The following AKR1C8 variants were observed in gnomAD, a reference collection of about 807,000 sequenced individuals.
The protein encoded by AKR1C8 is aldo-keto reductase family 1 member C8, also known as aldo-keto reductase family 1 member C-like protein 1.
the AKR1C8 span, among the ~76,000 whole-genome samples, chr10:5,156,532 C>CTATCTA: frequency 6.6e-6 from 1 of 151,380 alleles, no homozygotes; most frequent in Non-Finnish European, 1.5e-5. Context: ...TCAGATCTAT[C>CTATCTA]TATCTATCTA....
At chr10:5,168,987 C>A in the AKR1C8 span, among the ~76,000 whole-genome samples, 1 of 152,062 alleles carries the variant, frequency 6.6e-6, no homozygotes, top group Admixed American at 6.6e-5. Context: ...TTTAGTGAAA[C>A]CCACCTCCCT....
chr10:5,139,603 G>C, the AKR1C8 span, among the ~76,000 whole-genome samples: 4 of 152,278 alleles, frequency 2.6e-5, no homozygotes, highest in South Asian at 8.3e-4. Context: ...GCCATATATA[G>C]AAAGCTGAAA....
the AKR1C8 span, among the ~76,000 whole-genome samples, chr10:5,151,121 G>A: frequency 1.2e-4 from 19 of 152,054 alleles, no homozygotes; most frequent in African/African-American, 2.7e-4. Context: ...GCACAAGACC[G>A]AATGAGCCAG....
chr10:5,183,888 T>C, the AKR1C8 span, among the ~76,000 whole-genome samples: 67 of 152,290 alleles, frequency 4.4e-4, no homozygotes, highest in African/African-American at 1.6e-3. Context: ...ACTGCACTCA[T>C]ATGAGAACAA....
At chr10:5,176,096 T>C in the AKR1C8 span, among the ~76,000 whole-genome samples, 79,048 of 150,948 alleles carry the variant, frequency 0.52, 21,718 homozygotes, top group Non-Finnish European at 0.6. Context: ...TCTTCTAGGG[T>C]TTTTATGGTT....
chr10:5,152,772 T>G, the AKR1C8 span, among the ~76,000 whole-genome samples: 1 of 152,202 alleles, frequency 6.6e-6, no homozygotes, highest in African/African-American at 2.4e-5. Context: ...CTTTTCATAA[T>G]GAGTCTGCCT....
At chr10:5,125,160 G>C in the AKR1C8 span, among the ~76,000 whole-genome samples, 1 of 151,294 alleles carries the variant, frequency 6.6e-6, no homozygotes, top group Non-Finnish European at 1.5e-5. Flanking sequence ...GTATACTTTT[G>C]GTACTTAATA....
At chr10:5,144,141 C>G in the AKR1C8 span, among the ~76,000 whole-genome samples, 1 of 152,116 alleles carries the variant, frequency 6.6e-6, no homozygotes, top group Admixed American at 6.6e-5. Context: ...ATCCTTTCCC[C>G]ATTGCTTGTT....
chr10:5,151,858 C>G, the AKR1C8 span, among the ~76,000 whole-genome samples: 1 of 151,996 alleles, frequency 6.6e-6, no homozygotes, highest in Admixed American at 6.6e-5. Flanking sequence ...CACCCAGCCC[C>G]TTTGAGTTTT....
the AKR1C8 span, among the ~76,000 whole-genome samples, chr10:5,137,762 G>T: frequency 6.6e-6 from 1 of 152,098 alleles, no homozygotes; most frequent in African/African-American, 2.4e-5. Flanking sequence ...ACAGTATAAA[G>T]AGAGGAATTT....
chr10:5,130,398 T>C, the AKR1C8 span, among the ~76,000 whole-genome samples: 1 of 151,926 alleles, frequency 6.6e-6, no homozygotes, highest in African/African-American at 2.4e-5. Context: ...CTGTTAATAT[T>C]AAACTTAATC....
chr10:5,161,689 A>C, the AKR1C8 span: 1 of 533,080 alleles, frequency 1.9e-6, no homozygotes, highest in Non-Finnish European at 3.8e-6. Flanking sequence ...TGGTAGAGTC[A>C]CTCAATTGTG....
chr10:5,156,745 A>C, the AKR1C8 span, among the ~76,000 whole-genome samples: 1 of 152,292 alleles, frequency 6.6e-6, no homozygotes, highest in South Asian at 2.1e-4. Context: ...TGAGATTTAG[A>C]TTTACCTATT....
At chr10:5,177,430 C>G in the AKR1C8 span, among the ~76,000 whole-genome samples, 104 of 152,156 alleles carry the variant, frequency 6.8e-4, no homozygotes, top group African/African-American at 2.4e-3. Context: ...GGATATTGGT[C>G]TAAAATTCTC....
the AKR1C8 span, chr10:5,158,843 C>CA: frequency 5.2e-6 from 2 of 381,288 alleles, no homozygotes; most frequent in Non-Finnish European, 5.2e-6. Flanking sequence ...CCCTTTTCCC[C>CA]ATGCACCTTC....
chr10:5,164,133 C>T, the AKR1C8 span, among the ~76,000 whole-genome samples: 80,102 of 151,896 alleles, frequency 0.53, 22,137 homozygotes, highest in Non-Finnish European at 0.6. Context: ...AGCTTTTACT[C>T]CAACTCTCTA....
chr10:5,150,860 T>C, the AKR1C8 span, among the ~76,000 whole-genome samples: 1 of 152,168 alleles, frequency 6.6e-6, no homozygotes. Flanking sequence ...CTGCCTAGAA[T>C]GAGCTGATCT....
the AKR1C8 span, among the ~76,000 whole-genome samples, chr10:5,140,198 G>A: frequency 6.6e-6 from 1 of 152,152 alleles, no homozygotes; most frequent in Non-Finnish European, 1.5e-5. Context: ...CACTGTTGGT[G>A]GGAGTGTAAA....
chr10:5,145,581 A>G, the AKR1C8 span, among the ~76,000 whole-genome samples: 590 of 152,354 alleles, frequency 3.9e-3, 4 homozygotes, highest in African/African-American at 0.013. Flanking sequence ...TATGCAGCCA[A>G]AAAACACATG....
Sources: gnomAD v4.1 joint callset for allele counts (sites outside exome capture counted in the v4.1 genomes callset) on GRCh38, gnomAD v4.1.1 for gene constraint, MANE v1.5 for transcripts, NCBI Gene and HGNC (gene_info 2026-07-23, HGNC 2026-07-21) for gene names.